GUCY1A2: variants seen among roughly 807,000 people sequenced by gnomAD.
GUCY1A2 encodes guanylate cyclase soluble subunit alpha-2.
A neutral mutation model predicts 63.5 loss-of-function variants in GUCY1A2; 27 were observed. That is an observed-to-expected ratio of 0.43 (90% CI 0.31 to 0.59). GUCY1A2 has a LOEUF of 0.59. GUCY1A2 is among the 20% of genes least tolerant of loss of function. The probability of loss-of-function intolerance (pLI) is 0.11; values close to 1 mark genes in which losing one functional copy is unlikely to be tolerated. For missense variants in GUCY1A2, 768 were observed against 913.3 expected (o/e 0.84, Z 2.05); for synonymous variants, 364 against 343.5 (o/e 1.06, Z -0.66).
intron 1 of GUCY1A2, among the ~76,000 whole-genome samples, chr11:106,989,167 C>G (rs1337711787): frequency 6.6e-6 from 1 of 152,210 alleles, no homozygotes; most frequent in Non-Finnish European, 1.5e-5. Context: ...CAACATTCTA[C>G]AGGCCAAGAT....
intron 6 of GUCY1A2, among the ~76,000 whole-genome samples, chr11:106,733,539 T>C (rs1045680985): frequency 1.3e-5 from 2 of 152,152 alleles, no homozygotes; most frequent in African/African-American, 4.8e-5. Context: ...TATAAAGTAA[T>C]TACTTTTTAT....
In GUCY1A2 at chr11:106,684,195, A is replaced by G. The variant is rs1862481297; in HGVS notation, c.*3354T>C. ...ACAACATTTGAAGTGCTGAACCTAC[A>G]GACCCACTCTCAAGTCTCAGGCATC... On this transcript the variant is annotated 3_prime_UTR_variant, in exon 8 of 8. Transcript: ENST00000526355. The G allele has an allele frequency of 5.4e-6, 1 of 184,596 alleles. No homozygotes were observed. 11.4% of individuals were successfully genotyped at this position (184,596 alleles called of 1,614,324 possible).
chr11:106,927,692 G>A (rs1860546352), intron 4 of GUCY1A2, among the ~76,000 whole-genome samples: 1 of 151,502 alleles, frequency 6.6e-6, no homozygotes, highest in African/African-American at 2.4e-5. Flanking sequence ...AACGTCCTGA[G>A]TAGCCGGGAC....
At chr11:106,904,479 G>C (rs1860176761) in intron 4 of GUCY1A2, among the ~76,000 whole-genome samples, 2 of 152,042 alleles carry the variant, frequency 1.3e-5, no homozygotes, top group African/African-American at 4.8e-5. Context: ...AACTTCTTTG[G>C]AGATGTTTGC....
At chr11:106,787,371 T>C (rs1294180835) in intron 5 of GUCY1A2, among the ~76,000 whole-genome samples, 1 of 148,804 alleles carries the variant, frequency 6.7e-6, no homozygotes, top group Non-Finnish European at 1.5e-5. Flanking sequence ...ATTTTTTACA[T>C]TTTAGTTTCC....
intron 4 of GUCY1A2, among the ~76,000 whole-genome samples, chr11:106,918,258 A>G (rs1267083800): frequency 1.4e-5 from 2 of 144,730 alleles, no homozygotes; most frequent in Admixed American, 1.4e-4. Context: ...TTGAAAAAAA[A>G]TTGTGGTAAA....
At chr11:106,706,097 A>G (rs1484356518) in intron 7 of GUCY1A2, among the ~76,000 whole-genome samples, 1 of 152,224 alleles carries the variant, frequency 6.6e-6, no homozygotes, top group East Asian at 1.9e-4. Context: ...AATATTTAAG[A>G]CAAAATGCAT....
intron 1 of GUCY1A2, among the ~76,000 whole-genome samples, chr11:107,011,781 A>G (rs972793296): frequency 6.0e-5 from 9 of 150,582 alleles, no homozygotes; most frequent in African/African-American, 1.7e-4. Flanking sequence ...ATTTCAAAAA[A>G]AAAAAGAAAA....
At chr11:106,969,491 T>C (rs1366363464) in intron 3 of GUCY1A2, among the ~76,000 whole-genome samples, 1 of 152,026 alleles carries the variant, frequency 6.6e-6, no homozygotes, top group Non-Finnish European at 1.5e-5. Context: ...ACAAAAGTCT[T>C]CTAACACAAA....
chr11:106,864,819 A>G (rs1859568576), intron 4 of GUCY1A2, among the ~76,000 whole-genome samples: 1 of 152,122 alleles, frequency 6.6e-6, no homozygotes, highest in African/African-American at 2.4e-5. Flanking sequence ...TCGGTTTGCC[A>G]GTATTTTATT....
chr11:106,809,260 C>T (rs1373143144), intron 5 of GUCY1A2, among the ~76,000 whole-genome samples: 1 of 152,078 alleles, frequency 6.6e-6, no homozygotes, highest in Admixed American at 6.5e-5. Flanking sequence ...AAAAAAAGCC[C>T]TATGCCCTGA....
At chr11:106,955,042 G>C (rs2120038881) in intron 3 of GUCY1A2, among the ~76,000 whole-genome samples, 1 of 151,798 alleles carries the variant, frequency 6.6e-6, no homozygotes, top group Middle Eastern at 3.4e-3. Flanking sequence ...GCAATGGCAT[G>C]ATCTCGGCTC....
intron 4 of GUCY1A2, among the ~76,000 whole-genome samples, chr11:106,858,360 G>T (rs930680382): frequency 6.6e-6 from 1 of 152,076 alleles, no homozygotes; most frequent in Non-Finnish European, 1.5e-5. Context: ...AAAAGCTTTG[G>T]CTGTATACCA....
intron 3 of GUCY1A2, among the ~76,000 whole-genome samples, chr11:106,948,038 T>A (rs1250379271): frequency 6.6e-6 from 1 of 152,110 alleles, no homozygotes; most frequent in Non-Finnish European, 1.5e-5. Flanking sequence ...TGCAACTTGC[T>A]GTGAACAAAT....
At chr11:106,712,745 CAAG>C (rs554964568) in intron 6 of GUCY1A2, among the ~76,000 whole-genome samples, 30 of 152,162 alleles carry the variant, frequency 2.0e-4, no homozygotes, top group Non-Finnish European at 3.4e-4. Context: ...CTTACTAAGG[CAAG>C]AACCTTGAGT....
intron 3 of GUCY1A2, among the ~76,000 whole-genome samples, chr11:106,953,049 A>C (rs1860932340): frequency 6.6e-6 from 1 of 152,198 alleles, no homozygotes; most frequent in Non-Finnish European, 1.5e-5. Context: ...TGCCCTGGCC[A>C]GAACTTCTAA....
chr11:106,850,151 CT>C (rs2135449876), intron 4 of GUCY1A2, among the ~76,000 whole-genome samples: 1 of 151,786 alleles, frequency 6.6e-6, no homozygotes, highest in East Asian at 1.9e-4. Flanking sequence ...ATGTTTCCTT[CT>C]AAGAGATTTA....
At chr11:106,764,204 G>C (rs1864118328) in intron 6 of GUCY1A2, among the ~76,000 whole-genome samples, 3 of 152,018 alleles carry the variant, frequency 2.0e-5, no homozygotes, top group Admixed American at 2.0e-4. Flanking sequence ...CCTTGAGTTA[G>C]AATGCCTTCA....
At chr11:106,843,963 C>T (rs1859236547) in intron 4 of GUCY1A2, among the ~76,000 whole-genome samples, 3 of 151,894 alleles carry the variant, frequency 2.0e-5, no homozygotes, top group African/African-American at 7.2e-5. Context: ...GGTATAACAT[C>T]GGTCAGCATC....
Sources: allele counts gnomAD v4.1 joint callset (sites outside exome capture counted in the v4.1 genomes callset), GRCh38; gene constraint gnomAD v4.1.1; transcripts MANE v1.5; gene names NCBI Gene and HGNC (gene_info 2026-07-23, HGNC 2026-07-21).